Variants in TP73 observed in about 807,000 individuals in gnomAD.
The protein encoded by TP73 is tumor protein p73.
TP73 carries 25 observed loss-of-function variants against 62.5 expected under a neutral mutation model. That is an observed-to-expected ratio of 0.40 (90% confidence interval 0.29 to 0.56). The LOEUF (loss-of-function observed/expected upper bound fraction) is 0.56. Among genes scored for constraint, TP73 ranks in the 20% least tolerant of loss-of-function variants. TP73 has a pLI of 0.46. For synonymous variants in TP73, 423 were observed against 377.5 expected (o/e 1.12, Z -1.40); for missense variants, 754 against 913.3 (o/e 0.83, Z 2.25).
rs528938554 is a variant in TP73, at chr1:3,717,855, C to T, written c.430-4166C>T. On this transcript the variant is annotated intron_variant, in intron 4 of 13. Transcript: ENST00000378295. Reference sequence around the variant, plus strand: ...TCCCCGAGGCCACCCAGCTCCGGCCCGGCTGGGCACCTGGGGTCCAGTTAG... The same window carrying T: ...TCCCCGAGGCCACCCAGCTCCGGCCTGGCTGGGCACCTGGGGTCCAGTTAG... Among the ~76,000 whole-genome samples the T allele has an allele frequency of 1.8e-4, 28 of 152,326 alleles. 1 individual carries two copies. The South Asian group carries it at 4.8e-3, about 26-fold the overall frequency.
In TP73 at chr1:3,655,899, C is replaced by A. The variant is rs548712455; in HGVS notation, c.-34+3258C>A. Among the ~76,000 whole-genome samples the A allele has an allele frequency of 3.5e-4, 53 of 152,314 alleles. 2 individuals carry two copies. In the South Asian group the frequency reaches 0.011, roughly 30 times the overall value. On this transcript the variant is annotated intron_variant, in intron 1 of 13. Coordinates refer to ENST00000378295, the MANE Select transcript of TP73 (RefSeq NM_005427.4). Reference sequence around the variant, plus strand: ...ATTCTAAAAATTCCCTCTACTCAGCCGGGCGCAGTGGCTCACGCCTGTAAT... The same window carrying A: ...ATTCTAAAAATTCCCTCTACTCAGCAGGGCGCAGTGGCTCACGCCTGTAAT...
chr1:3,689,247 G>C (rs755383560), intron 3 of TP73, among the ~76,000 whole-genome samples: 14 of 152,202 alleles, frequency 9.2e-5, no homozygotes, highest in Non-Finnish European at 1.8e-4. Flanking sequence ...GGCCCCAGCC[G>C]ACCCCCTGCA....
chr1:3,700,978 C>G (rs1457929184), intron 3 of TP73, among the ~76,000 whole-genome samples: 2 of 152,214 alleles, frequency 1.3e-5, no homozygotes, highest in African/African-American at 2.4e-5. Context: ...AGGGGCTGTC[C>G]CCGCCCTCCA....
chr1:3,727,690 G>T lies in TP73; in HGVS notation c.905G>T (p.Arg302Leu), dbSNP rs1174268280. The change falls in exon 8 of 14, where the codon CGA becomes CTA. Residue 302 changes from arginine (R) to leucine (L), a missense_variant. This residue lies in a region of TP73 where 458 missense variants were observed against 528.7 expected (regional missense o/e 0.87). Transcript: ENST00000378295. ...ATCTGCGCCTGTCCTGGCCGCGACC[G>T]AAAAGCTGATGAGGACCACTACCGG... ...GRICACPGRD[R>L]KADEDHYREQ... 1.9e-6 allele frequency: 3 copies of T among 1,590,964 alleles called. No individual in the cohort carries two copies. The African/African-American group carries it at 4.0e-5, about 21-fold the overall frequency.
chr1:3,727,218 T>A lies in TP73; in HGVS notation c.836T>A (p.Met279Lys), dbSNP rs766378776. Reference sequence around the variant, plus strand: ...ATCCTCATCATCATCACCCTGGAGATGCGGGAGTGAGTCCCGGGCACACGG... The same window carrying A: ...ATCCTCATCATCATCACCCTGGAGAAGCGGGAGTGAGTCCCGGGCACACGG... ...RPILIIITLE[M>K]RDGQVLGRRS... The change falls in exon 7 of 14, where the codon ATG (methionine) becomes AAG (lysine). Residue 279 changes from methionine (M) to lysine (K), a missense_variant. Met to Lys is a moderately conservative substitution (Grantham distance 95, BLOSUM62 -1). This residue lies in a region of TP73 where 458 missense variants were observed against 528.7 expected (regional missense o/e 0.87). Coordinates refer to ENST00000378295, the MANE Select transcript of TP73 (RefSeq NM_005427.4). 1.9e-6 allele frequency: 3 copies of A among 1,611,744 alleles called. No individual in the cohort carries two copies. The highest frequency in any genetic ancestry group is 1.1e-5 in the South Asian group (1 of 91,038).
At chr1:3,728,677 C>G (rs1641872856) in intron 9 of TP73, among the ~76,000 whole-genome samples, 1 of 152,236 alleles carries the variant, frequency 6.6e-6, no homozygotes, top group African/African-American at 2.4e-5. Flanking sequence ...GTTTTTTGAG[C>G]TCCAGAATGA....
At chr1:3,703,844 G>C (rs991245322) in intron 3 of TP73, among the ~76,000 whole-genome samples, 1 of 152,190 alleles carries the variant, frequency 6.6e-6, no homozygotes, top group African/African-American at 2.4e-5. Flanking sequence ...TCTTGCCCGG[G>C]GGACTCAAAT....
At chr1:3,720,965 G>T (rs1570599048) in intron 4 of TP73, among the ~76,000 whole-genome samples, 1 of 152,232 alleles carries the variant, frequency 6.6e-6, no homozygotes, top group African/African-American at 2.4e-5. Context: ...AGTCATCGGG[G>T]GCTGGTGAGG....
At chr1:3,684,610 G>C (rs1645606900) in intron 3 of TP73, among the ~76,000 whole-genome samples, 1 of 151,994 alleles carries the variant, frequency 6.6e-6, no homozygotes, top group African/African-American at 2.4e-5. Context: ...CGTGTTGCCT[G>C]TTCCGTCTCC....
chr1:3,729,914 C>T, intron 10 of TP73, 86 bp from the exon 11 acceptor site: 2 of 1,468,412 alleles, frequency 1.4e-6, no homozygotes, highest in Non-Finnish European at 9.1e-7. Context: ...CACCCATTCG[C>T]AGCATGGGGG....
chr1:3,717,332 A>AAGGAG (rs1371413680), intron 4 of TP73, among the ~76,000 whole-genome samples: 11 of 151,916 alleles, frequency 7.2e-5, no homozygotes, highest in Admixed American at 5.2e-4. Flanking sequence ...GGAGGAGGGG[A>AAGGAG]AGGAGAGGAG....
At position 3,707,602 on chromosome 1, in the gene TP73, C is replaced by G. The variant is rs897270972; in HGVS notation, c.240C>G (p.Ala80=). 6.2e-7 allele frequency: 1 copy of G among 1,612,512 alleles called. No homozygotes were observed. The highest frequency in any genetic ancestry group is 8.5e-7 in the Non-Finnish European group (1 of 1,179,806). The stretch of plus-strand genomic sequence containing the variant: ...TGGACCAGATGAGCAGCCGCGCGGC[C>G]TCGGCCAGCCCCTACACCCCAGAGC... The part of the protein sequence containing the change: ...STMDQMSSRA[A]SASPYTPEHA... Residue 80 remains alanine (A), a synonymous_variant, in exon 4 of 14, where the codon GCC becomes GCG. Coordinates refer to ENST00000378295, the MANE Select transcript of TP73 (RefSeq NM_005427.4).
intron 3 of TP73, chr1:3,697,910 T>G (rs1479924379): frequency 5.5e-6 from 1 of 181,788 alleles, no homozygotes; most frequent in African/African-American, 2.4e-5. Context: ...TTTGGGCTCC[T>G]GCTCCAATGT....
At position 3,670,813 on chromosome 1, in the gene TP73, C is replaced by T. The variant is rs3765695; in HGVS notation, c.-33-11520C>T. Reference sequence around the variant, plus strand: ...CTGACCTGACCTGCTGGGCCCCGCCCGCTCAAACCAAATCATGGATTCTGT... The same window carrying T: ...CTGACCTGACCTGCTGGGCCCCGCCTGCTCAAACCAAATCATGGATTCTGT... On this transcript the variant is annotated intron_variant, in intron 1 of 13. Transcript: ENST00000378295. This position sits in a 1 kb window ranked among gnomAD's most constrained non-coding sequence, Gnocchi z 5.9. Among the ~76,000 whole-genome samples the T allele has an allele frequency of 1.3e-5, 2 of 152,260 alleles. No homozygotes were observed. The highest frequency in any genetic ancestry group is 2.1e-4 in the South Asian group (1 of 4,828).
At chr1:3,728,019 C>T in intron 8 of TP73, 110 bp from the exon 9 acceptor site, 2 of 1,288,492 alleles carry the variant, frequency 1.6e-6, no homozygotes, top group Admixed American at 2.1e-5. Context: ...ACCGGACCCA[C>T]CTGGAGAATC....
intron 1 of TP73, among the ~76,000 whole-genome samples, chr1:3,652,975 G>T (rs564540267): frequency 1.5e-4 from 23 of 152,164 alleles, no homozygotes; most frequent in African/African-American, 5.3e-4. Context: ...GGCTCCGAGG[G>T]CCGTTGGGAG....
At chr1:3,665,728 C>T (rs948845158) in intron 1 of TP73, among the ~76,000 whole-genome samples, 36 of 149,570 alleles carry the variant, frequency 2.4e-4, no homozygotes, top group Non-Finnish European at 4.6e-4. Context: ...GATCTTGGCT[C>T]ACTGAAACCT....
chr1:3,653,857 C>T (rs943446469), intron 1 of TP73, among the ~76,000 whole-genome samples: 1 of 152,166 alleles, frequency 6.6e-6, no homozygotes, highest in Non-Finnish European at 1.5e-5. Context: ...GTATGCATTA[C>T]GTATGTAGTT....
chr1:3,702,768 G>A (rs1639284690), intron 3 of TP73, among the ~76,000 whole-genome samples: 1 of 152,254 alleles, frequency 6.6e-6, no homozygotes, highest in African/African-American at 2.4e-5. Flanking sequence ...ACTTGTGGCC[G>A]CCGCGGGCCG....
Sources: allele counts gnomAD v4.1 joint callset (sites outside exome capture counted in the v4.1 genomes callset), GRCh38; gene constraint gnomAD v4.1.1; regional missense constraint gnomAD v4.1.1; non-coding constraint Gnocchi (gnomAD v3.1); transcripts MANE v1.5; gene names NCBI Gene and HGNC (gene_info 2026-07-23, HGNC 2026-07-21).